The following AKAP1 variants were observed in gnomAD, a reference collection of about 807,000 sequenced individuals.
The protein encoded by AKAP1 is A-kinase anchor protein 1, mitochondrial.
Under a neutral mutation model 79.8 loss-of-function variants are expected in AKAP1, and 32 were observed. That is an observed-to-expected ratio of 0.40 (90% CI 0.30 to 0.54). AKAP1 has a LOEUF of 0.54. Among genes scored for constraint, AKAP1 ranks in the 20% least tolerant of loss-of-function variants. The pLI is 0.47. For missense variants in AKAP1, 961 were observed against 1,138.9 expected, an observed-to-expected ratio of 0.84 and a Z score of 2.25; for synonymous variants, 416 against 466.7, an observed-to-expected ratio of 0.89 and a Z score of 1.40.
Position 57,120,310 on chromosome 17 carries a change from T to C in AKAP1, c.2698T>C (p.Tyr900His), listed in dbSNP as rs1188014195. The C allele has an allele frequency of 5.6e-6, 9 of 1,613,866 alleles. No homozygotes were observed. In the Admixed American group the frequency reaches 1.0e-4, roughly 18 times the overall value. Reference sequence around the variant, plus strand: ...CCTTGCCCAGTGGGTAGACAGCTACTACACAAGCCTTTGACCCCCATGCTG... The same window carrying C: ...CCTTGCCCAGTGGGTAGACAGCTACCACACAAGCCTTTGACCCCCATGCTG... ...RGLAQWVDSY[Y>H]TSL Residue 900 changes from tyrosine to histidine, a missense_variant, in exon 11 of 11, where the codon TAC becomes CAC. Coordinates refer to ENST00000337714, the MANE Select transcript of AKAP1 (RefSeq NM_003488.4).
intron 2 of AKAP1, 65 bp from the exon 3 acceptor site, chr17:57,109,960 C>G: frequency 6.3e-7 from 1 of 1,577,976 alleles, no homozygotes; most frequent in Non-Finnish European, 8.6e-7. Context: ...TTGGGAAGTT[C>G]TTGGTTACTG....
At chr17:57,098,760 AT>A (rs1170190519) in intron 1 of AKAP1, among the ~76,000 whole-genome samples, 18,611 of 122,702 alleles carry the variant, frequency 0.15, 1,423 homozygotes, top group South Asian at 0.38. Flanking sequence ...GGGCTAGCTG[AT>A]TTTTTTTTTT....
chr17:57,095,972 T>C (rs1222168320), intron 1 of AKAP1: 1 of 152,132 alleles, frequency 6.6e-6, no homozygotes. Context: ...GAGTGTGACA[T>C]AGTCTTCAAA....
At chr17:57,087,512 A>G (rs966215737) in intron 1 of AKAP1, among the ~76,000 whole-genome samples, 1 of 152,336 alleles carries the variant, frequency 6.6e-6, no homozygotes, top group African/African-American at 2.4e-5. Context: ...GGTTGCAGCC[A>G]TATTTTAGGG....
At chr17:57,100,887 G>A (rs1041631325) in intron 1 of AKAP1, among the ~76,000 whole-genome samples, 2 of 152,002 alleles carry the variant, frequency 1.3e-5, no homozygotes, top group Admixed American at 1.3e-4. Flanking sequence ...AAATTAGCTG[G>A]GTGTGGTGGC....
At position 57,111,738 on chromosome 17, in the gene AKAP1, T is replaced by C. The variant is rs917018799; in HGVS notation, c.1849-60T>C. The stretch of plus-strand genomic sequence containing the variant: ...CTTGTGTAAAACAGAAGTAGGTCTT[T>C]GGGTGTCCAGGGAATTGGTTTCCCT... On this transcript the variant is annotated intron_variant, in intron 3 of 10. Transcript: ENST00000337714. 2 of 1,599,710 alleles carry C rather than the reference T, an allele frequency of 1.3e-6. 1 individual carries two copies. Among genetic ancestry groups the C allele is most frequent in the South Asian group, 2.2e-5 (2 of 89,822 alleles).
At chr17:57,105,294 C>T in intron 1 of AKAP1, 147 bp from the exon 2 acceptor site, 1 of 762,272 alleles carries the variant, frequency 1.3e-6, no homozygotes, top group Non-Finnish European at 2.2e-6. Flanking sequence ...CTGGTACGAG[C>T]TGAGAGGTGT....
At chr17:57,099,537 G>T (rs1042659733) in intron 1 of AKAP1, among the ~76,000 whole-genome samples, 6 of 152,148 alleles carry the variant, frequency 3.9e-5, no homozygotes, top group Non-Finnish European at 8.8e-5. Context: ...GCAGTATTCA[G>T]TGCCTTCTAG....
At position 57,116,091 on chromosome 17, in the gene AKAP1, C is replaced by T. The variant is rs1030609102; in HGVS notation, c.2282-20C>T. 5.6e-6 allele frequency: 9 copies of T among 1,608,860 alleles called. No individual in the cohort carries two copies. The highest frequency in any genetic ancestry group is 7.6e-6 in the Non-Finnish European group (9 of 1,179,142). ...TGCCCTGGCCCAGGCGTTCCACGCACTCTGCTCCCTACCCTGCAGTAACGG... is the reference window on the plus strand; with the variant it reads ...TGCCCTGGCCCAGGCGTTCCACGCATTCTGCTCCCTACCCTGCAGTAACGG... On this transcript the variant is annotated intron_variant, in intron 6 of 10. Coordinates refer to ENST00000337714, the MANE Select transcript of AKAP1 (RefSeq NM_003488.4).
In AKAP1 at chr17:57,106,091, G is replaced by A. The variant is rs750952455; in HGVS notation, c.627G>A (p.Val209=). The A allele has an allele frequency of 1.2e-6, 2 of 1,606,320 alleles. No individual in the cohort carries two copies. The highest frequency in any genetic ancestry group is 1.7e-6 in the Non-Finnish European group (2 of 1,175,468). The change falls in exon 2 of 11, where the codon GTG becomes GTA. Residue 209 remains valine, a synonymous_variant. Coordinates refer to ENST00000337714, the MANE Select transcript of AKAP1 (RefSeq NM_003488.4). ...GGGCCGAAGGGACTGGTGATGCCGT[G>A]TTGGGGGAAAAGGTGCTTGAAGAAG... ...TGGAEGTGDA[V]LGEKVLEEAL...
chr17:57,099,812 A>G (rs967430563), intron 1 of AKAP1, among the ~76,000 whole-genome samples: 3 of 152,182 alleles, frequency 2.0e-5, no homozygotes, highest in Non-Finnish European at 2.9e-5. Context: ...GGTGAAGTGC[A>G]GGGAGCCTAG....
rs1914810027 is a variant in AKAP1, at chr17:57,105,738, C to G, written c.274C>G (p.Pro92Ala). The change falls in exon 2 of 11, where the codon CCC becomes GCC. Residue 92 changes from proline (P) to alanine (A), a missense_variant. Physicochemically the swap from Pro to Ala is conservative, Grantham distance 27 (BLOSUM62 -1). Transcript: ENST00000337714. ...CACCGTGAGCAAGCTGCCTGCAGAG[C>G]CCCCAGCATTGCTCCAGACACACCC... Reference protein sequence around the residue: ...LSTVSKLPAEPPALLQTHPPC... With the variant: ...LSTVSKLPAEAPALLQTHPPC... 1.2e-6 allele frequency: 2 copies of G among 1,614,176 alleles called. No homozygotes were observed. Among genetic ancestry groups the G allele is most frequent in the Non-Finnish European group, 1.7e-6 (2 of 1,180,040 alleles).
intron 1 of AKAP1, chr17:57,092,960 C>T (rs1208424340): frequency 6.5e-6 from 1 of 152,948 alleles, no homozygotes; most frequent in Non-Finnish European, 1.5e-5. Flanking sequence ...CCCCGCTCTC[C>T]TCCTGCTTCC....
At chr17:57,093,804 C>T (rs1233832074) in intron 1 of AKAP1, 1 of 149,760 alleles carries the variant, frequency 6.7e-6, no homozygotes, top group Non-Finnish European at 1.5e-5. Context: ...CCAGCTGTCC[C>T]CACCATTGTC....
chr17:57,109,462 C>T (rs529375855), intron 2 of AKAP1, among the ~76,000 whole-genome samples: 19 of 152,226 alleles, frequency 1.2e-4, no homozygotes, highest in Admixed American at 4.6e-4. Context: ...GGCAGAGGAA[C>T]GAGCGGGTCC....
chr17:57,108,658 G>C (rs880135), intron 2 of AKAP1, among the ~76,000 whole-genome samples: 17,774 of 152,204 alleles, frequency 0.12, 1,164 homozygotes, highest in African/African-American at 0.15. Context: ...TGCCAAGCAC[G>C]AGGTTAGTGC....
At chr17:57,096,693 G>C (rs1914134173) in intron 1 of AKAP1, 1 of 152,338 alleles carries the variant, frequency 6.6e-6, no homozygotes, top group Non-Finnish European at 1.5e-5. Flanking sequence ...CAGCCATGCT[G>C]CTGAGGGTGC....
Position 57,086,114 on chromosome 17 carries a change from G to A in AKAP1, c.-25+716G>A. 1 of 259,572 alleles carries A rather than the reference G, an allele frequency of 3.9e-6. No homozygotes were observed. The highest frequency in any genetic ancestry group is 7.7e-6 in the Non-Finnish European group (1 of 129,796). 16.1% of individuals were successfully genotyped at this position (259,572 alleles called of 1,614,324 possible). On this transcript the variant is annotated intron_variant, in intron 1 of 10. Transcript: ENST00000337714. The surrounding 1 kb of genome is among the most constrained non-coding windows in gnomAD (Gnocchi z 5.1). ...GGCGTCTCGGGGGGAATTTGCATTC[G>A]TAGCCCCTGCAGGCGTGTCCGGAGG... is the stretch of plus-strand genomic sequence containing the variant.
In AKAP1 at chr17:57,106,673, G is replaced by A. The variant is rs201753231; in HGVS notation, c.1209G>A (p.Ala403=). 31 of 1,614,050 alleles carry A rather than the reference G, an allele frequency of 1.9e-5. No individual in the cohort carries two copies. Among genetic ancestry groups the A allele is most frequent in the East Asian group, 1.6e-4 (7 of 44,876 alleles). Residue 403 remains alanine (A), a synonymous_variant, in exon 2 of 11, where the codon GCG becomes GCA. Coordinates refer to ENST00000337714, the MANE Select transcript of AKAP1 (RefSeq NM_003488.4). ...AAACTGTCTTGGGCCCAGACACTGCGGAGCCTGCCACAGCAGAGGCAGCTG... is the reference window on the plus strand; with the variant it reads ...AAACTGTCTTGGGCCCAGACACTGCAGAGCCTGCCACAGCAGAGGCAGCTG... ...HQKTVLGPDT[A]EPATAEAAVA... is the part of the protein sequence containing the mutation.
Sources: gnomAD v4.1 joint callset for allele counts (sites outside exome capture counted in the v4.1 genomes callset) on GRCh38, gnomAD v4.1.1 for gene constraint, Gnocchi (gnomAD v3.1) non-coding constraint, MANE v1.5 for transcripts, NCBI Gene and HGNC (gene_info 2026-07-23, HGNC 2026-07-21) for gene names.